Variants in CLASP2 observed in about 807,000 individuals in gnomAD.
CLASP2 encodes CLIP-associating protein 2.
A neutral mutation model predicts 194.4 loss-of-function variants in CLASP2; 47 were observed. The ratio of observed to expected loss-of-function variants is 0.24; its 90% CI spans 0.19 to 0.31. The LOEUF (loss-of-function observed/expected upper bound fraction) is 0.31, where lower values mean the gene tolerates loss of function less well. Ranked by LOEUF, CLASP2 falls within the 10% of genes least tolerant of loss-of-function variation. The pLI, the probability that CLASP2 is intolerant of heterozygous loss-of-function variation, is 1.00. For synonymous variants in CLASP2, 619 were observed against 633.5 expected (o/e 0.98, Z 0.34); for missense variants, 1,445 against 1,823.6 (o/e 0.79, Z 3.78).
At chr3:33,544,061 G>A (rs893158011) in intron 31 of CLASP2, among the ~76,000 whole-genome samples, 2 of 152,088 alleles carry the variant, frequency 1.3e-5, no homozygotes, top group African/African-American at 4.8e-5. Flanking sequence ...CCATCAGTGT[G>A]TCTCCTTTAT....
chr3:33,676,225 C>CA (rs1480414971), intron 6 of CLASP2, among the ~76,000 whole-genome samples: 1 of 149,524 alleles, frequency 6.7e-6, no homozygotes, highest in African/African-American at 2.4e-5. Context: ...GTACTGGTAC[C>CA]AAAACAGAGA....
chr3:33,571,737 A>G (rs1303396640), intron 25 of CLASP2, among the ~76,000 whole-genome samples: 1 of 152,132 alleles, frequency 6.6e-6, no homozygotes, highest in East Asian at 1.9e-4. Flanking sequence ...CAGGAATTTA[A>G]GGCAGCAGTG....
At chr3:33,563,894 A>G (rs911401742) in intron 27 of CLASP2, 9 of 456,100 alleles carry the variant, frequency 2.0e-5, no homozygotes, top group Middle Eastern at 3.2e-4. Context: ...TTATCCTTGA[A>G]CACACCTCAT....
chr3:33,500,404 C>G (rs911036914), intron 38 of CLASP2, among the ~76,000 whole-genome samples: 1 of 152,076 alleles, frequency 6.6e-6, no homozygotes, highest in Admixed American at 6.6e-5. Flanking sequence ...TACTGGCTAC[C>G]TACTGTTCTG....
At chr3:33,703,642 C>T (rs547435406) in intron 1 of CLASP2, among the ~76,000 whole-genome samples, 1 of 152,332 alleles carries the variant, frequency 6.6e-6, no homozygotes, top group African/African-American at 2.4e-5. Flanking sequence ...CACCTACACA[C>T]TCATATTTTT....
chr3:33,682,259 A>G (rs915470573), intron 6 of CLASP2, among the ~76,000 whole-genome samples: 1 of 152,234 alleles, frequency 6.6e-6, no homozygotes, highest in Non-Finnish European at 1.5e-5. Flanking sequence ...TATGAAAAAA[A>G]AACTTTATAG....
intron 33 of CLASP2, among the ~76,000 whole-genome samples, chr3:33,537,529 T>C (rs889705250): frequency 6.6e-6 from 1 of 152,120 alleles, no homozygotes; most frequent in Non-Finnish European, 1.5e-5. Flanking sequence ...CAGAGAAAAG[T>C]CTAAGAAGCA....
chr3:33,696,949 G>C lies in CLASP2; in HGVS notation c.196-16C>G. 1 of 1,415,520 alleles carries C rather than the reference G, an allele frequency of 7.1e-7. No individual in the cohort carries two copies. 87.7% of individuals were successfully genotyped at this position (1,415,520 alleles called of 1,614,324 possible). The stretch of plus-strand genomic sequence containing the variant: ...TTAATGATACCTACAGATAAAAAGG[G>C]ATTTTAATGAATATAAATTACTGAT... On this transcript the variant is annotated splice_polypyrimidine_tract_variant and intron_variant, in intron 1 of 38. Coordinates refer to ENST00000682230, the MANE Select transcript of CLASP2 (RefSeq NM_001365631.1).
intron 3 of CLASP2, 190 bp downstream of exon 3, chr3:33,689,639 A>G (rs1422904510): frequency 4.6e-6 from 2 of 432,890 alleles, no homozygotes; most frequent in East Asian, 3.6e-5. Context: ...AAAAGCATTA[A>G]GAGTACAAAA....
chr3:33,583,094 T>C (rs115065442), intron 22 of CLASP2, among the ~76,000 whole-genome samples: 2,911 of 152,208 alleles, frequency 0.019, 55 homozygotes, highest in African/African-American at 0.045. Flanking sequence ...GAGGGAGTGA[T>C]TCAAACCAGG....
At chr3:33,544,902 C>A in intron 30 of CLASP2, 61 bp from the exon 31 acceptor site, 1 of 1,275,436 alleles carries the variant, frequency 7.8e-7, no homozygotes, top group Non-Finnish European at 1.1e-6. Flanking sequence ...AGACCGTTTT[C>A]TTCCCCTACA....
At chr3:33,650,915 A>T (rs1426657215) in intron 7 of CLASP2, among the ~76,000 whole-genome samples, 2 of 152,160 alleles carry the variant, frequency 1.3e-5, no homozygotes, top group Non-Finnish European at 2.9e-5. Flanking sequence ...GCCCACAATG[A>T]CTTATCTGCA....
rs145131244 is a variant in CLASP2, at chr3:33,687,875, A to G, written c.470+402T>C. Among the ~76,000 whole-genome samples, 1,289 of 152,294 alleles carry G rather than the reference A, an allele frequency of 8.5e-3. 12 individuals are homozygous for G. Among genetic ancestry groups the G allele is most frequent in the Middle Eastern group, 0.051 (15 of 294 alleles). Reference sequence around the variant, plus strand: ...TACCTGGGAAAGTTTTGCTTGGTCTATGATTCTGGTACCCACCCACACTGC... The same window carrying G: ...TACCTGGGAAAGTTTTGCTTGGTCTGTGATTCTGGTACCCACCCACACTGC... On this transcript the variant is annotated intron_variant, in intron 4 of 38. Transcript: ENST00000682230.
intron 33 of CLASP2, among the ~76,000 whole-genome samples, chr3:33,537,455 C>T (rs2154137629): frequency 6.6e-6 from 1 of 152,260 alleles, no homozygotes; most frequent in Admixed American, 6.5e-5. Flanking sequence ...TTTGCAAACA[C>T]TGAGAAACAA....
chr3:33,605,001 G>A (rs1361928286), intron 16 of CLASP2, among the ~76,000 whole-genome samples: 2 of 152,148 alleles, frequency 1.3e-5, no homozygotes, highest in African/African-American at 4.8e-5. Flanking sequence ...TTTTATAAGT[G>A]TCTCCCAAAA....
At chr3:33,656,481 AT>A (rs2084238651) in intron 7 of CLASP2, among the ~76,000 whole-genome samples, 2 of 152,286 alleles carry the variant, frequency 1.3e-5, no homozygotes, top group South Asian at 4.1e-4. Flanking sequence ...AATTTTAATA[AT>A]AACCAGAACT....
At chr3:33,643,183 T>C (rs1032703381) in intron 8 of CLASP2, among the ~76,000 whole-genome samples, 1 of 151,834 alleles carries the variant, frequency 6.6e-6, no homozygotes, top group African/African-American at 2.4e-5. Flanking sequence ...TCTAAAAAGA[T>C]ACCAAACCAC....
At chr3:33,604,481 G>A (rs2073244230) in intron 16 of CLASP2, among the ~76,000 whole-genome samples, 1 of 151,960 alleles carries the variant, frequency 6.6e-6, no homozygotes, top group Admixed American at 6.6e-5. Context: ...ACCAAGCGTG[G>A]CTAATTTTTA....
At chr3:33,574,933 GTAGT>G (rs1370245139) in intron 24 of CLASP2, among the ~76,000 whole-genome samples, 5 of 152,064 alleles carry the variant, frequency 3.3e-5, no homozygotes, top group Non-Finnish European at 7.4e-5. Context: ...TTTAGCCTTG[GTAGT>G]TAAACATTCC....
Sources: allele counts gnomAD v4.1 joint callset (sites outside exome capture counted in the v4.1 genomes callset), GRCh38; gene constraint gnomAD v4.1.1; transcripts MANE v1.5; gene names NCBI Gene and HGNC (gene_info 2026-07-23, HGNC 2026-07-21).